PARM1: variants seen among roughly 807,000 people sequenced by gnomAD.
PARM1 encodes the protein WSC4, cell wall integrity and stress response component 4 homolog.
PARM1 carries 14 observed loss-of-function variants against 24.6 expected under a neutral mutation model. The observed-to-expected ratio is 0.57, with a 90% CI of 0.38 to 0.89. PARM1 has a LOEUF of 0.89. PARM1 is among the 40% of genes least tolerant of loss of function. The pLI, the probability that PARM1 is intolerant of heterozygous loss-of-function variation, is 0.00. For missense variants in PARM1, 362 were observed against 380.4 expected, an observed-to-expected ratio of 0.95 and a Z score of 0.40; for synonymous variants, 179 against 156.6, an observed-to-expected ratio of 1.14 and a Z score of -1.07.
At chr4:75,046,070 C>G (rs1321481981) in intron 3 of PARM1, 93 bp from the exon 4 acceptor site, 5 of 780,222 alleles carry the variant, frequency 6.4e-6, no homozygotes, top group Middle Eastern at 2.3e-4. Context: ...TCCCTGGCCC[C>G]ATAAGCATCC....
At position 75,043,536 on chromosome 4, in the gene PARM1, A is replaced by G. The variant is rs191628696; in HGVS notation, c.849-2627A>G. On this transcript the variant is annotated intron_variant, in intron 3 of 3. Coordinates refer to ENST00000307428, the MANE Select transcript of PARM1 (RefSeq NM_015393.4). ...ATAAAAATATATGATAGAGATAAAA[A>G]TTCTGTGAGAAGTTCAATTACCATA... Among the ~76,000 whole-genome samples, 633 of 152,358 alleles carry G rather than the reference A, an allele frequency of 4.2e-3. 2 individuals are homozygous for G. The highest frequency in any genetic ancestry group is 5.8e-3 in the Non-Finnish European group (398 of 68,036).
chr4:74,997,129 T>C (rs1223171596), intron 1 of PARM1, among the ~76,000 whole-genome samples: 3 of 152,202 alleles, frequency 2.0e-5, no homozygotes, highest in Non-Finnish European at 4.4e-5. Flanking sequence ...TCACAGCTGA[T>C]AAGTGCCTTT....
At chr4:74,939,499 C>T (rs1322524623) in intron 1 of PARM1, among the ~76,000 whole-genome samples, 7 of 151,978 alleles carry the variant, frequency 4.6e-5, no homozygotes, top group African/African-American at 9.7e-5. Flanking sequence ...GGCTGGGACT[C>T]GAAGCCTTCT....
intron 2 of PARM1, among the ~76,000 whole-genome samples, chr4:75,028,763 A>G (rs1211952155): frequency 6.6e-6 from 1 of 152,162 alleles, no homozygotes; most frequent in African/African-American, 2.4e-5. Context: ...CAGAGTAACA[A>G]CAACTTCTTT....
At chr4:74,991,800 T>G (rs1399455497) in intron 1 of PARM1, among the ~76,000 whole-genome samples, 2 of 152,134 alleles carry the variant, frequency 1.3e-5, no homozygotes, top group African/African-American at 2.4e-5. Context: ...AACTGCAAGC[T>G]GAGAGAATCA....
chr4:75,009,482 C>T (rs182846164), intron 1 of PARM1, among the ~76,000 whole-genome samples: 163 of 152,218 alleles, frequency 1.1e-3, no homozygotes, highest in Non-Finnish European at 4.4e-4. Context: ...AGGAAATATC[C>T]TCAGGGTACA....
At chr4:75,037,675 C>T (rs1723398942) in intron 3 of PARM1, among the ~76,000 whole-genome samples, 1 of 152,146 alleles carries the variant, frequency 6.6e-6, no homozygotes, top group African/African-American at 2.4e-5. Context: ...ACCTTTTAAC[C>T]AGCAGCAGTG....
intron 1 of PARM1, among the ~76,000 whole-genome samples, chr4:74,954,453 T>C (rs1376978155): frequency 6.6e-6 from 1 of 152,244 alleles, no homozygotes; most frequent in South Asian, 2.1e-4. Context: ...GAGGACTTAC[T>C]GCAAAGTTTC....
chr4:74,991,879 A>C (rs1427519975), intron 1 of PARM1, among the ~76,000 whole-genome samples: 1 of 152,160 alleles, frequency 6.6e-6, no homozygotes, highest in Non-Finnish European at 1.5e-5. Flanking sequence ...ATGCAAAAAC[A>C]AAAAAACAAT....
chr4:74,958,060 G>T (rs1346027164), intron 1 of PARM1, among the ~76,000 whole-genome samples: 1 of 152,092 alleles, frequency 6.6e-6, no homozygotes, highest in African/African-American at 2.4e-5. Flanking sequence ...CAGAAATAAT[G>T]ATTATTTATT....
chr4:75,042,608 A>G (rs1216421553), intron 3 of PARM1, among the ~76,000 whole-genome samples: 2 of 151,574 alleles, frequency 1.3e-5, no homozygotes, highest in Admixed American at 6.6e-5. Flanking sequence ...CTCATACACT[A>G]TGCAAATGCC....
chr4:74,937,084 A>T (rs1721209976), intron 1 of PARM1, among the ~76,000 whole-genome samples: 2 of 152,184 alleles, frequency 1.3e-5, no homozygotes, highest in African/African-American at 4.8e-5. Flanking sequence ...GATCTGGTAG[A>T]TACCTCTTCT....
chr4:74,940,340 T>C (rs931094741), intron 1 of PARM1, among the ~76,000 whole-genome samples: 3 of 152,230 alleles, frequency 2.0e-5, no homozygotes, highest in Non-Finnish European at 4.4e-5. Flanking sequence ...TCCAGGCTGC[T>C]ATAACAAAAC....
chr4:74,989,857 T>C (rs1233210200), intron 1 of PARM1, among the ~76,000 whole-genome samples: 1 of 152,130 alleles, frequency 6.6e-6, no homozygotes, highest in African/African-American at 2.4e-5. Context: ...GAAAATGGGA[T>C]AAAGACCAAG....
intron 1 of PARM1, among the ~76,000 whole-genome samples, chr4:74,937,087 C>T (rs1721210148): frequency 6.6e-6 from 1 of 152,166 alleles, no homozygotes; most frequent in African/African-American, 2.4e-5. Context: ...CTGGTAGATA[C>T]CTCTTCTCCA....
At chr4:75,005,264 G>T (rs1380867010) in intron 1 of PARM1, among the ~76,000 whole-genome samples, 8 of 152,186 alleles carry the variant, frequency 5.3e-5, no homozygotes, top group African/African-American at 1.9e-4. Flanking sequence ...GGGCTTGACT[G>T]CATTTTGATC....
At chr4:75,018,954 C>T (rs964304506) in intron 2 of PARM1, among the ~76,000 whole-genome samples, 2 of 152,192 alleles carry the variant, frequency 1.3e-5, no homozygotes, top group Non-Finnish European at 2.9e-5. Context: ...TGGGCTTCAG[C>T]ATTACTGTAG....
At chr4:74,960,428 C>T (rs1220518752) in intron 1 of PARM1, among the ~76,000 whole-genome samples, 1 of 152,094 alleles carries the variant, frequency 6.6e-6, no homozygotes, top group Non-Finnish European at 1.5e-5. Flanking sequence ...CAGGGAAAGG[C>T]AGTCTTAAAA....
intron 1 of PARM1, among the ~76,000 whole-genome samples, chr4:74,935,436 T>A (rs1481133477): frequency 6.6e-6 from 1 of 152,134 alleles, no homozygotes; most frequent in Non-Finnish European, 1.5e-5. Flanking sequence ...GTTTTCAGAA[T>A]GTAAAATATC....
Sources: gnomAD v4.1 joint callset for allele counts (sites outside exome capture counted in the v4.1 genomes callset) on GRCh38, gnomAD v4.1.1 for gene constraint, MANE v1.5 for transcripts, NCBI Gene and HGNC (gene_info 2026-07-23, HGNC 2026-07-21) for gene names.